Variants in PCDHGB5 observed in about 807,000 individuals in gnomAD.
PCDHGB5 encodes protocadherin gamma subfamily B, 5, also known as protocadherin gamma-B5.
PCDHGB5 carries 48 observed loss-of-function variants against 62.9 expected under a neutral mutation model. The observed-to-expected ratio is 0.76, with a 90% CI of 0.61 to 0.97. PCDHGB5 has a LOEUF of 0.97. PCDHGB5 is among the 50% of genes least tolerant of loss of function. PCDHGB5 has a pLI of 0.00. For synonymous variants in PCDHGB5, 474 were observed against 511.2 expected (o/e 0.93, Z 0.98); for missense variants, 1,118 against 1,198.6 (o/e 0.93, Z 0.99).
chr5:141,399,590 T>C lies in PCDHGB5; in HGVS notation c.1463T>C (p.Met488Thr), dbSNP rs1369616193. 3.1e-6 allele frequency: 5 copies of C among 1,613,854 alleles called. No individual in the cohort carries two copies. Among genetic ancestry groups the C allele is most frequent in the Admixed American group, 3.3e-5 (2 of 60,004 alleles). The change falls in exon 1 of 4, where the codon ATG (methionine) becomes ACG (threonine). Residue 488 changes from methionine (M) to threonine (T), a missense_variant. By Grantham distance (81) the Met-to-Thr change is moderately conservative. Coordinates refer to ENST00000617380, the MANE Select transcript of PCDHGB5 (RefSeq NM_018925.3). Reference sequence around the variant, plus strand: ...AACGGCCAAGTCTCCTACTCTATCATGGCCAGCGACCTAGAGCCTCTGGCA... The same window carrying C: ...AACGGCCAAGTCTCCTACTCTATCACGGCCAGCGACCTAGAGCCTCTGGCA... ...GLNGQVSYSI[M>T]ASDLEPLALA...
intron 2 of PCDHGB5, among the ~76,000 whole-genome samples, chr5:141,496,411 CT>C (rs1266082660): frequency 6.6e-6 from 1 of 152,190 alleles, no homozygotes; most frequent in African/African-American, 2.4e-5. Context: ...TGGTTGAGTA[CT>C]TGCTGTCCAC....
intron 1 of PCDHGB5, among the ~76,000 whole-genome samples, chr5:141,462,483 G>T (rs1402125086): frequency 2.0e-5 from 3 of 151,986 alleles, no homozygotes; most frequent in African/African-American, 7.3e-5. Context: ...TCTCGTGGTT[G>T]TTGTATCCTA....
At position 141,487,700 on chromosome 5, in the gene PCDHGB5, C is replaced by A; in HGVS notation, c.2398-7107C>A. On this transcript the variant is annotated intron_variant, in intron 1 of 3. Coordinates refer to ENST00000617380, the MANE Select transcript of PCDHGB5 (RefSeq NM_018925.3). This position sits in a 1 kb window ranked among gnomAD's most constrained non-coding sequence, Gnocchi z 5.0. ...AGGCCATGTCCTAGAGAGTACTGGCCTCTCAGTAAGTGCCCATAGTGATGT... is the reference window on the plus strand; with the variant it reads ...AGGCCATGTCCTAGAGAGTACTGGCATCTCAGTAAGTGCCCATAGTGATGT... The A allele has an allele frequency of 6.3e-7, 1 of 1,597,514 alleles. No homozygotes were observed. Among genetic ancestry groups the A allele is most frequent in the African/African-American group, 1.3e-5 (1 of 74,868 alleles).
chr5:141,402,616 A>G (rs974813396), intron 1 of PCDHGB5, among the ~76,000 whole-genome samples: 1 of 152,256 alleles, frequency 6.6e-6, no homozygotes, highest in African/African-American at 2.4e-5. Flanking sequence ...AAATGCAAGA[A>G]ACAATTGGAG....
rs1231591874 is a variant in PCDHGB5 at position 141,431,615 on chromosome 5, G to T, written c.2397+31091G>T. The T allele has an allele frequency of 3.1e-6, 5 of 1,614,118 alleles. No homozygotes were observed. Among genetic ancestry groups the T allele is most frequent in the African/African-American group, 2.7e-5 (2 of 74,950 alleles). On this transcript the variant is annotated intron_variant, in intron 1 of 3. Transcript: ENST00000617380. The surrounding 1 kb of genome is among the most constrained non-coding windows in gnomAD (Gnocchi z 4.8). Reference sequence around the variant, plus strand: ...GAGGTATTCCTTCCGGTATGTGGACGACAAGGCGGCCCAAGTTTTCAAACT... The same window carrying T: ...GAGGTATTCCTTCCGGTATGTGGACTACAAGGCGGCCCAAGTTTTCAAACT...
At position 141,432,900 on chromosome 5, in the gene PCDHGB5, T is replaced by A. The variant is rs139221180; in HGVS notation, c.2397+32376T>A. ...GCCTTCGTCATCTTGCTGCTGGCGCTCAGGCTGCGGCGCTGGCACAAGTCA... is the reference window on the plus strand; with the variant it reads ...GCCTTCGTCATCTTGCTGCTGGCGCACAGGCTGCGGCGCTGGCACAAGTCA... On this transcript the variant is annotated intron_variant, in intron 1 of 3. Transcript: ENST00000617380. The surrounding 1 kb of genome is among the most constrained non-coding windows in gnomAD (Gnocchi z 6.0). The A allele has an allele frequency of 7.9e-5, 128 of 1,614,174 alleles. No homozygotes were observed. The highest frequency in any genetic ancestry group is 7.4e-4 in the East Asian group (33 of 44,868).
At chr5:141,441,734 G>GAT in intron 1 of PCDHGB5, 1 of 364,808 alleles carries the variant, frequency 2.7e-6, no homozygotes, top group South Asian at 2.2e-5. Context: ...ACCAGGACTA[G>GAT]CTCGCGCTCG....
intron 3 of PCDHGB5, among the ~76,000 whole-genome samples, chr5:141,507,777 CT>C (rs1213538221): frequency 6.6e-6 from 1 of 152,220 alleles, no homozygotes; most frequent in Admixed American, 6.5e-5. Context: ...CACACAGGGC[CT>C]GACCCTCGTC....
chr5:141,413,134 G>A, intron 1 of PCDHGB5: 1 of 1,543,438 alleles, frequency 6.5e-7, no homozygotes, highest in South Asian at 1.3e-5. Flanking sequence ...AACACACAAC[G>A]TGTCCAGTGA....
intron 1 of PCDHGB5, among the ~76,000 whole-genome samples, chr5:141,494,469 C>T (rs2099754623): frequency 6.6e-6 from 1 of 152,114 alleles, no homozygotes; most frequent in Non-Finnish European, 1.5e-5. Flanking sequence ...GCACCTCTTC[C>T]CCCAGTTCCA....
intron 1 of PCDHGB5, among the ~76,000 whole-genome samples, chr5:141,483,618 C>T (rs1441906179): frequency 6.6e-6 from 1 of 151,536 alleles, no homozygotes; most frequent in Non-Finnish European, 1.5e-5. Flanking sequence ...TCCATCATTC[C>T]CATGGGAGAA....
At position 141,431,684 on chromosome 5, in the gene PCDHGB5, C is replaced by A. The variant is rs1017231854; in HGVS notation, c.2397+31160C>A. On this transcript the variant is annotated intron_variant, in intron 1 of 3. Transcript: ENST00000617380. This position sits in a 1 kb window ranked among gnomAD's most constrained non-coding sequence, Gnocchi z 4.8. Reference sequence around the variant, plus strand: ...AATATCAACAATAGGGGAGTTGGACCACGAGGAGTCAGGATTCTACCAGAT... The same window carrying A: ...AATATCAACAATAGGGGAGTTGGACAACGAGGAGTCAGGATTCTACCAGAT... The A allele has an allele frequency of 1.9e-6, 3 of 1,614,186 alleles. No homozygotes were observed. Among genetic ancestry groups the A allele is most frequent in the Admixed American group, 1.7e-5 (1 of 60,032 alleles).
At position 141,399,854 on chromosome 5, in the gene PCDHGB5, G is replaced by T. The variant is rs747617678; in HGVS notation, c.1727G>T (p.Arg576Leu). ...DGSALFDMVP[R>L]AAEPGYLVTK... Reference sequence around the variant, plus strand: ...TCTGCGCTCTTCGATATGGTGCCGCGCGCTGCAGAGCCCGGCTACCTGGTG... The same window carrying T: ...TCTGCGCTCTTCGATATGGTGCCGCTCGCTGCAGAGCCCGGCTACCTGGTG... The change falls in exon 1 of 4, where the codon CGC (arginine) becomes CTC (leucine). Residue 576 changes from arginine to leucine, a missense_variant. Physicochemically the swap from Arg to Leu is moderately radical, Grantham distance 102 (BLOSUM62 -2). Transcript: ENST00000617380. 1 of 1,612,904 alleles carries T rather than the reference G, an allele frequency of 6.2e-7. No individual in the cohort carries two copies. Among genetic ancestry groups the T allele is most frequent in the Non-Finnish European group, 8.5e-7 (1 of 1,179,804 alleles).
In PCDHGB5 at chr5:141,409,272, T is replaced by G. The variant is rs2095250021; in HGVS notation, c.2397+8748T>G. ...ATCACTTCTCTCTCTGATCAGATTT[T>G]GGAGAATTCACCTCCAGGAATGGTT... On this transcript the variant is annotated intron_variant, in intron 1 of 3. Coordinates refer to ENST00000617380, the MANE Select transcript of PCDHGB5 (RefSeq NM_018925.3). 5 of 1,614,042 alleles carry G rather than the reference T, an allele frequency of 3.1e-6. No individual in the cohort carries two copies. In the South Asian group the frequency reaches 4.4e-5, roughly 14 times the overall value.
intron 1 of PCDHGB5, among the ~76,000 whole-genome samples, chr5:141,437,668 G>T (rs72790049): frequency 3.1e-4 from 47 of 151,868 alleles, no homozygotes; most frequent in Non-Finnish European, 6.0e-4. Context: ...TCGAAGAGAT[G>T]TTGATCAAAC....
rs1561964279 is a variant in PCDHGB5 at position 141,456,201 on chromosome 5, A to G, written c.2398-38606A>G. 2.0e-5 allele frequency among the ~76,000 whole-genome samples: 3 copies of G among 152,228 alleles called. No homozygotes were observed. The South Asian group carries it at 6.2e-4, about 32-fold the overall frequency. On this transcript the variant is annotated intron_variant, in intron 1 of 3. Coordinates refer to ENST00000617380, the MANE Select transcript of PCDHGB5 (RefSeq NM_018925.3). ...ATAATTTCTTAATAACTCCTACCAC[A>G]TTCCTCCCTGTGGCGATATCAAACT...
chr5:141,478,143 A>T (rs759384540), intron 1 of PCDHGB5: 1 of 1,614,014 alleles, frequency 6.2e-7, no homozygotes, highest in Non-Finnish European at 8.5e-7. Flanking sequence ...GCCCGAGCCG[A>T]GTTCCCCTCT....
At chr5:141,430,115 A>G (rs930805574) in intron 1 of PCDHGB5, among the ~76,000 whole-genome samples, 1 of 152,194 alleles carries the variant, frequency 6.6e-6, no homozygotes, top group Non-Finnish European at 1.5e-5. Context: ...CATGTCAACA[A>G]CCTGGTAAAG....
chr5:141,439,172 G>A (rs1181712838), intron 1 of PCDHGB5, among the ~76,000 whole-genome samples: 1 of 147,496 alleles, frequency 6.8e-6, no homozygotes, highest in Admixed American at 6.8e-5. Context: ...CAGCCTGGGC[G>A]ACATAGTGAG....
Sources: allele counts gnomAD v4.1 joint callset (sites outside exome capture counted in the v4.1 genomes callset), GRCh38; gene constraint gnomAD v4.1.1; non-coding constraint Gnocchi (gnomAD v3.1); transcripts MANE v1.5; gene names NCBI Gene and HGNC (gene_info 2026-07-23, HGNC 2026-07-21).